SUMF1: variants seen among roughly 807,000 people sequenced by gnomAD.
The protein encoded by SUMF1 is formylglycine-generating enzyme.
In SUMF1, 48 loss-of-function variants were observed where a neutral mutation model predicts 47.6. The observed-to-expected ratio is 1.01, with a 90% CI of 0.80 to 1.28. The LOEUF is 1.28. Ranked by LOEUF, SUMF1 falls within the 50% of genes most tolerant of loss-of-function variation. The pLI is 0.00. For synonymous variants in SUMF1, 230 were observed against 192.1 expected (o/e 1.20, Z -1.63); for missense variants, 571 against 485.4 (o/e 1.18, Z -1.66).
Position 4,418,060 on chromosome 3 carries a change from C to G in SUMF1, c.675G>C (p.Leu225=). The G allele has an allele frequency of 6.2e-7, 1 of 1,614,074 alleles. No individual in the cohort carries two copies. ...VAYCTWAGKR[L]PTEAEWEYSC... Reference sequence around the variant, plus strand: ...TGTATTCCCACTCAGCTTCCGTGGGCAGCCGCTTCCCTGCCCAAGTGCAGT... The same window carrying G: ...TGTATTCCCACTCAGCTTCCGTGGGGAGCCGCTTCCCTGCCCAAGTGCAGT... Residue 225 remains leucine, a synonymous_variant, in exon 5 of 9, where the codon CTG becomes CTC. Coordinates refer to ENST00000272902, the MANE Select transcript of SUMF1 (RefSeq NM_182760.4).
chr3:4,241,450 T>C (rs1696535755), intron 8 of SUMF1, among the ~76,000 whole-genome samples: 1 of 152,162 alleles, frequency 6.6e-6, no homozygotes, highest in Non-Finnish European at 1.5e-5. Context: ...TGGTTATTTA[T>C]GGCATGACTT....
intron 1 of SUMF1, among the ~76,000 whole-genome samples, chr3:4,456,234 T>C (rs1308311032): frequency 2.0e-5 from 3 of 152,094 alleles, no homozygotes; most frequent in Non-Finnish European, 2.9e-5. Flanking sequence ...GAGTCATATA[T>C]GAAAAGCCCA....
At chr3:4,209,695 A>G (rs1013346726) in intron 8 of SUMF1, among the ~76,000 whole-genome samples, 8 of 152,164 alleles carry the variant, frequency 5.3e-5, no homozygotes, top group Non-Finnish European at 2.9e-5. Flanking sequence ...ATTACTGAAC[A>G]TCAAAATCAA....
intron 8 of SUMF1, among the ~76,000 whole-genome samples, chr3:4,201,890 T>C (rs1468905061): frequency 2.0e-5 from 3 of 152,056 alleles, no homozygotes; most frequent in Non-Finnish European, 4.4e-5. Flanking sequence ...CCTTTTCAAA[T>C]ACCTGTTTGC....
intron 3 of SUMF1, among the ~76,000 whole-genome samples, chr3:4,446,869 G>T (rs1275849113): frequency 6.6e-6 from 1 of 152,110 alleles, no homozygotes; most frequent in Admixed American, 6.5e-5. Context: ...ACAATGAAAG[G>T]GAAACCTGTA....
intron 3 of SUMF1, among the ~76,000 whole-genome samples, chr3:4,446,548 G>C (rs1702787397): frequency 6.6e-6 from 1 of 152,200 alleles, no homozygotes; most frequent in South Asian, 2.1e-4. Flanking sequence ...ATGGATTAAT[G>C]GATTAGGTAC....
intron 8 of SUMF1, among the ~76,000 whole-genome samples, chr3:4,092,645 CT>C (rs1220457965): frequency 3.9e-5 from 6 of 152,166 alleles, no homozygotes; most frequent in African/African-American, 1.4e-4. Flanking sequence ...AAGTGACCAA[CT>C]ACTTATAGTA....
chr3:4,063,477 T>C (rs530591022), intron 9 of SUMF1, among the ~76,000 whole-genome samples: 4 of 152,194 alleles, frequency 2.6e-5, no homozygotes, highest in Non-Finnish European at 5.9e-5. Context: ...GTATGTTATA[T>C]ATATATTTAC....
At chr3:4,275,962 AG>A (rs947945956) in intron 8 of SUMF1, among the ~76,000 whole-genome samples, 24 of 152,300 alleles carry the variant, frequency 1.6e-4, no homozygotes, top group African/African-American at 5.3e-4. Flanking sequence ...TTTAACTCCT[AG>A]AAGGCTAATT....
chr3:4,406,664 A>C (rs951486830), intron 7 of SUMF1, among the ~76,000 whole-genome samples: 1 of 152,148 alleles, frequency 6.6e-6, no homozygotes, highest in Admixed American at 6.5e-5. Context: ...CATCTCAAAT[A>C]AAACAAAATA....
At chr3:4,131,559 T>G (rs1693789916) in intron 8 of SUMF1, among the ~76,000 whole-genome samples, 1 of 152,126 alleles carries the variant, frequency 6.6e-6, no homozygotes, top group Non-Finnish European at 1.5e-5. Context: ...GGTTGTGCAC[T>G]TTGCATGGAA....
intron 8 of SUMF1, among the ~76,000 whole-genome samples, chr3:4,151,275 T>C (rs1694316033): frequency 6.7e-6 from 1 of 149,406 alleles, no homozygotes; most frequent in South Asian, 2.1e-4. Flanking sequence ...TATAGATATT[T>C]ATACATGTAA....
chr3:4,143,985 TCTC>T (rs374242549), intron 8 of SUMF1, among the ~76,000 whole-genome samples: 3,027 of 87,844 alleles, frequency 0.034, 92 homozygotes, highest in African/African-American at 0.08. Context: ...CTGTCTTCTC[TCTC>T]TTTTTTTTTT....
rs115705187 is a variant in SUMF1 at position 4,403,994 on chromosome 3, G to A, written c.954+6871C>T. ...ATTTTGTCCTGAAGTGGAAACAAACGGTATTTCTAACATTGTCCAAATGGT... is the reference window on the plus strand; with the variant it reads ...ATTTTGTCCTGAAGTGGAAACAAACAGTATTTCTAACATTGTCCAAATGGT... On this transcript the variant is annotated intron_variant, in intron 7 of 8. Coordinates refer to ENST00000272902, the MANE Select transcript of SUMF1 (RefSeq NM_182760.4). 2.7e-3 allele frequency among the ~76,000 whole-genome samples: 413 copies of A among 152,228 alleles called. 3 individuals are homozygous for A. Among genetic ancestry groups the A allele is most frequent in the African/African-American group, 9.5e-3 (394 of 41,540 alleles).
chr3:4,275,402 C>G (rs1697390829), intron 8 of SUMF1, among the ~76,000 whole-genome samples: 1 of 152,114 alleles, frequency 6.6e-6, no homozygotes, highest in African/African-American at 2.4e-5. Context: ...AAATGGACTA[C>G]TTCCAGATAT....
chr3:4,301,539 G>C (rs1697965385), intron 8 of SUMF1, among the ~76,000 whole-genome samples: 1 of 152,184 alleles, frequency 6.6e-6, no homozygotes, highest in African/African-American at 2.4e-5. Context: ...CAAAGTCCAA[G>C]CAAGAAATGA....
chr3:4,367,831 T>C (rs373954208), intron 8 of SUMF1, among the ~76,000 whole-genome samples: 1 of 151,572 alleles, frequency 6.6e-6, no homozygotes, highest in Non-Finnish European at 1.5e-5. Context: ...ATACAAAAAT[T>C]AATTCAAGAT....
chr3:4,344,253 G>A (rs1403001723), intron 8 of SUMF1, among the ~76,000 whole-genome samples: 1 of 151,908 alleles, frequency 6.6e-6, no homozygotes, highest in Non-Finnish European at 1.5e-5. Context: ...CACCCTGAGA[G>A]CCACACGGGG....
downstream of SUMF1, among the ~76,000 whole-genome samples, chr3:4,360,566 T>C (rs999849040): frequency 1.3e-5 from 2 of 152,066 alleles, no homozygotes; most frequent in African/African-American, 4.8e-5. Flanking sequence ...CTCCTGACCT[T>C]GAGTGATCTA....
Sources: gnomAD v4.1 joint callset for allele counts (sites outside exome capture counted in the v4.1 genomes callset) on GRCh38, gnomAD v4.1.1 for gene constraint, MANE v1.5 for transcripts, NCBI Gene and HGNC (gene_info 2026-07-23, HGNC 2026-07-21) for gene names.